PITPNM3: variants seen among roughly 807,000 people sequenced by gnomAD.
PITPNM3 encodes the protein membrane-associated phosphatidylinositol transfer protein 3.
A neutral mutation model predicts 102.0 loss-of-function variants in PITPNM3; 26 were observed. That is an observed-to-expected ratio of 0.25 (90% CI 0.19 to 0.35). PITPNM3 has a LOEUF of 0.35. Ranked by LOEUF, PITPNM3 falls within the 10% of genes least tolerant of loss-of-function variation. The probability of loss-of-function intolerance (pLI) is 1.00; values close to 1 mark genes in which losing one functional copy is unlikely to be tolerated. For synonymous variants in PITPNM3, 578 were observed against 558.6 expected (o/e 1.03, Z -0.49); for missense variants, 1,083 against 1,346.1 (o/e 0.80, Z 3.06).
At chr17:6,481,187 C>T (rs1905647597) in intron 6 of PITPNM3, 1 of 152,312 alleles carries the variant, frequency 6.6e-6, no homozygotes, top group Non-Finnish European at 1.5e-5. Context: ...AGTTAGTATC[C>T]CCAAGGCTGG....
chr17:6,461,356 C>G lies in PITPNM3; in HGVS notation c.2490+17G>C, dbSNP rs1904441171. On this transcript the variant is annotated intron_variant, in intron 18 of 19. Transcript: ENST00000262483. ...GCTCTCAAGCCATGGAGTCCCCACC[C>G]CAGGATGGCCACTCACCTCCTGCAT... 2.5e-6 allele frequency: 4 copies of G among 1,613,354 alleles called. No individual in the cohort carries two copies. The highest frequency in any genetic ancestry group is 3.4e-6 in the Non-Finnish European group (4 of 1,179,682).
At chr17:6,512,086 C>T (rs368089028) in intron 3 of PITPNM3, among the ~76,000 whole-genome samples, 4 of 152,164 alleles carry the variant, frequency 2.6e-5, no homozygotes, top group African/African-American at 7.2e-5. Flanking sequence ...TCTTGGTCCT[C>T]CCCCAACCCC....
At chr17:6,519,824 T>C (rs1461531073) in intron 3 of PITPNM3, among the ~76,000 whole-genome samples, 2 of 151,494 alleles carry the variant, frequency 1.3e-5, no homozygotes, top group African/African-American at 2.4e-5. Context: ...AGCAAGACTC[T>C]GTCTCCAAAA....
intron 1 of PITPNM3, among the ~76,000 whole-genome samples, chr17:6,541,063 G>C (rs1182774779): frequency 6.6e-6 from 1 of 152,196 alleles, no homozygotes; most frequent in East Asian, 1.9e-4. Flanking sequence ...GGGAACCTCA[G>C]TTATATACCT....
At chr17:6,552,456 A>G (rs1425881001) in intron 1 of PITPNM3, among the ~76,000 whole-genome samples, 2 of 152,130 alleles carry the variant, frequency 1.3e-5, no homozygotes, top group Non-Finnish European at 2.9e-5. Flanking sequence ...AGGCAGCTCC[A>G]CCAGGCTGGC....
chr17:6,508,253 T>C (rs910953758), intron 3 of PITPNM3, among the ~76,000 whole-genome samples: 49 of 152,190 alleles, frequency 3.2e-4, no homozygotes, highest in African/African-American at 1.1e-3. Context: ...CAGCCCTGAG[T>C]GCGGCCTCAG....
chr17:6,509,429 T>C (rs1457902927), intron 3 of PITPNM3, among the ~76,000 whole-genome samples: 2 of 152,116 alleles, frequency 1.3e-5, no homozygotes, highest in Admixed American at 6.5e-5. Flanking sequence ...AATAAAGAAT[T>C]GGGAATTCTC....
chr17:6,539,136 G>A (rs1909600618), intron 1 of PITPNM3, among the ~76,000 whole-genome samples: 1 of 152,186 alleles, frequency 6.6e-6, no homozygotes. Flanking sequence ...ACATCAAAAG[G>A]ACAGAGGGTA....
intron 1 of PITPNM3, among the ~76,000 whole-genome samples, chr17:6,546,332 C>A (rs906155194): frequency 7.9e-5 from 12 of 152,222 alleles, no homozygotes; most frequent in African/African-American, 2.7e-4. Flanking sequence ...CCTGGAGAAC[C>A]CCGGAAGAAA....
At chr17:6,506,408 T>G (rs1337012360) in intron 3 of PITPNM3, among the ~76,000 whole-genome samples, 1 of 151,334 alleles carries the variant, frequency 6.6e-6, no homozygotes, top group East Asian at 1.9e-4. Flanking sequence ...AGTCTCATTC[T>G]GTCACCAGGC....
At chr17:6,540,564 T>C (rs1322131874) in intron 1 of PITPNM3, among the ~76,000 whole-genome samples, 2 of 152,216 alleles carry the variant, frequency 1.3e-5, no homozygotes, top group Non-Finnish European at 2.9e-5. Context: ...TTATTGCGGC[T>C]CTCTTTTGTG....
At chr17:6,547,182 G>A (rs1347245251) in intron 1 of PITPNM3, among the ~76,000 whole-genome samples, 2 of 151,558 alleles carry the variant, frequency 1.3e-5, no homozygotes, top group Admixed American at 6.6e-5. Context: ...TGTGCCTCCT[G>A]TCATGCCGCC....
At chr17:6,502,015 T>C (rs1288456441) in intron 4 of PITPNM3, among the ~76,000 whole-genome samples, 1 of 152,238 alleles carries the variant, frequency 6.6e-6, no homozygotes. Flanking sequence ...GAAAGAGAAC[T>C]GCCCTCTCTC....
rs1905120882 is a variant in PITPNM3, at chr17:6,472,584, A to G, written c.1429+73T>C. On this transcript the variant is annotated intron_variant, in intron 11 of 19. Coordinates refer to ENST00000262483, the MANE Select transcript of PITPNM3 (RefSeq NM_031220.4). The surrounding 1 kb of genome is among the most constrained non-coding windows in gnomAD (Gnocchi z 4.1). ...CAGGTGAGTCACCCTACTCACTGAG[A>G]GCTTGGAGGGGTTGAATGGGCTGGG... The G allele has an allele frequency of 7.8e-6, 12 of 1,536,760 alleles. No homozygotes were observed. The highest frequency in any genetic ancestry group is 9.7e-6 in the Non-Finnish European group (11 of 1,131,126).
intron 1 of PITPNM3, among the ~76,000 whole-genome samples, chr17:6,540,721 C>T (rs957646198): frequency 1.3e-5 from 2 of 152,156 alleles, no homozygotes; most frequent in Non-Finnish European, 2.9e-5. Context: ...TGCAATGGTG[C>T]GATCTTGGCT....
chr17:6,548,478 T>A (rs1910144163), intron 1 of PITPNM3, among the ~76,000 whole-genome samples: 1 of 151,908 alleles, frequency 6.6e-6, no homozygotes, highest in Non-Finnish European at 1.5e-5. Context: ...GGGACTAGCC[T>A]CACGGGGGGC....
At chr17:6,539,464 C>A (rs1909623639) in intron 1 of PITPNM3, among the ~76,000 whole-genome samples, 1 of 152,148 alleles carries the variant, frequency 6.6e-6, no homozygotes, top group South Asian at 2.1e-4. Flanking sequence ...TCTACAAAAT[C>A]TATATTAAAA....
At chr17:6,540,563 C>A (rs537647971) in intron 1 of PITPNM3, among the ~76,000 whole-genome samples, 1 of 152,282 alleles carries the variant, frequency 6.6e-6, no homozygotes, top group Non-Finnish European at 1.5e-5. Context: ...ATTATTGCGG[C>A]TCTCTTTTGT....
chr17:6,463,686 T>C, intron 17 of PITPNM3, 46 bp downstream of exon 17: 1 of 1,601,014 alleles, frequency 6.2e-7, no homozygotes, highest in Non-Finnish European at 8.5e-7. Context: ...GGCTGCTGGC[T>C]CCTGCCCCCC....
Sources: gnomAD v4.1 joint callset for allele counts (sites outside exome capture counted in the v4.1 genomes callset) on GRCh38, gnomAD v4.1.1 for gene constraint, Gnocchi (gnomAD v3.1) non-coding constraint, MANE v1.5 for transcripts, NCBI Gene and HGNC (gene_info 2026-07-23, HGNC 2026-07-21) for gene names.